Variants in FAM185A observed in about 807,000 individuals in gnomAD.
FAM185A encodes the protein protein FAM185A.
A neutral mutation model predicts 45.7 loss-of-function variants in FAM185A; 21 were observed. The observed-to-expected ratio is 0.46, with a 90% CI of 0.33 to 0.66. FAM185A has a LOEUF of 0.66. FAM185A is among the 30% of genes least tolerant of loss of function. FAM185A has a pLI of 0.03. For missense variants in FAM185A, 305 were observed against 485.4 expected (o/e 0.63, Z 3.49); for synonymous variants, 117 against 194.0 (o/e 0.60, Z 3.30).
intron 6 of FAM185A, among the ~76,000 whole-genome samples, chr7:102,778,883 ACT>A (rs1795236747): frequency 6.6e-6 from 1 of 152,202 alleles, no homozygotes; most frequent in African/African-American, 2.4e-5. Flanking sequence ...ATCCATTCCA[ACT>A]CTGCCACTGT....
the FAM185A span, among the ~76,000 whole-genome samples, chr7:102,830,990 A>C: frequency 6.6e-6 from 1 of 152,214 alleles, no homozygotes; most frequent in Non-Finnish European, 1.5e-5. Context: ...GGAAGGTCAG[A>C]GTACACGCAT....
intron 7 of FAM185A, among the ~76,000 whole-genome samples, chr7:102,801,193 A>C (rs1328003781): frequency 1.5e-4 from 23 of 152,204 alleles, no homozygotes; most frequent in Admixed American, 1.5e-3. Context: ...ATTCACCACT[A>C]CCAAGCCACC....
chr7:102,781,481 G>T (rs1455723886), intron 6 of FAM185A, among the ~76,000 whole-genome samples: 1 of 152,178 alleles, frequency 6.6e-6, no homozygotes, highest in Non-Finnish European at 1.5e-5. Flanking sequence ...TAATGATCAG[G>T]CAGCAACATC....
intron 7 of FAM185A, among the ~76,000 whole-genome samples, chr7:102,795,537 G>C (rs539625034): frequency 6.6e-6 from 1 of 152,254 alleles, no homozygotes; most frequent in African/African-American, 2.4e-5. Flanking sequence ...GAGTCTCCAG[G>C]CTCCAGTACG....
the FAM185A span, among the ~76,000 whole-genome samples, chr7:102,835,092 A>G: frequency 2.0e-5 from 3 of 152,226 alleles, no homozygotes; most frequent in African/African-American, 7.2e-5. Flanking sequence ...GATATTGGTT[A>G]TTTAACCCTA....
downstream of FAM185A, chr7:102,813,600 C>A: frequency 6.6e-7 from 1 of 1,515,980 alleles, no homozygotes. Flanking sequence ...TCAAACTCAA[C>A]CAAATTTGGA....
chr7:102,811,547 T>C (rs1443158680), downstream of FAM185A, among the ~76,000 whole-genome samples: 4 of 152,198 alleles, frequency 2.6e-5, no homozygotes, highest in African/African-American at 9.6e-5. Context: ...TCAAAGAGCT[T>C]TGGAGCAAGC....
chr7:102,803,414 G>T (rs1796911439), intron 7 of FAM185A, among the ~76,000 whole-genome samples: 1 of 152,100 alleles, frequency 6.6e-6, no homozygotes, highest in Admixed American at 6.5e-5. Flanking sequence ...CACATAAACA[G>T]AATTAAAAAC....
At chr7:102,831,080 T>C in the FAM185A span, among the ~76,000 whole-genome samples, 1 of 152,286 alleles carries the variant, frequency 6.6e-6, no homozygotes, top group South Asian at 2.1e-4. Flanking sequence ...TTTAGGTCTT[T>C]CATCTTGGGC....
chr7:102,783,896 C>A (rs1045687973), intron 6 of FAM185A, among the ~76,000 whole-genome samples: 2 of 152,120 alleles, frequency 1.3e-5, no homozygotes, highest in Admixed American at 6.5e-5. Flanking sequence ...AATGCAGGAG[C>A]TGGTTTTTTG....
At chr7:102,847,761 T>A in the FAM185A span, among the ~76,000 whole-genome samples, 1 of 152,138 alleles carries the variant, frequency 6.6e-6, no homozygotes, top group Non-Finnish European at 1.5e-5. Flanking sequence ...ACTCCTGGCC[T>A]CAGGTAACCC....
chr7:102,805,194 G>A (rs550059936), intron 7 of FAM185A, among the ~76,000 whole-genome samples: 34 of 152,178 alleles, frequency 2.2e-4, no homozygotes, highest in Non-Finnish European at 4.3e-4. Context: ...CTACCCAGAG[G>A]AAAAGAAGTC....
At chr7:102,810,684 C>G (rs897485370), downstream of FAM185A, among the ~76,000 whole-genome samples, 2 of 152,152 alleles carry the variant, frequency 1.3e-5, no homozygotes, top group East Asian at 3.8e-4. Context: ...GCCTTAAACT[C>G]CTGGCCTCAG....
At position 102,757,959 on chromosome 7, in the gene FAM185A, C is replaced by G; in HGVS notation, c.654+13C>G. On this transcript the variant is annotated intron_variant, in intron 3 of 7. Coordinates refer to ENST00000413034, the MANE Select transcript of FAM185A (RefSeq NM_001145268.2). The stretch of plus-strand genomic sequence containing the variant: ...ATCAGATAAAAGTGTAAGATTGAAA[C>G]TTTCTTTTTTTTTTTAGTAATTGCA... 6.7e-7 allele frequency: 1 copy of G among 1,488,324 alleles called. No homozygotes were observed. Among genetic ancestry groups the G allele is most frequent in the Non-Finnish European group, 8.9e-7 (1 of 1,117,926 alleles). 92.2% of individuals were successfully genotyped at this position (1,488,324 alleles called of 1,614,324 possible).
intron 7 of FAM185A, among the ~76,000 whole-genome samples, chr7:102,790,104 G>A (rs1368067478): frequency 6.6e-6 from 1 of 151,856 alleles, no homozygotes; most frequent in Non-Finnish European, 1.5e-5. Context: ...ATAAGCAGAA[G>A]ATATACACTC....
intron 7 of FAM185A, among the ~76,000 whole-genome samples, chr7:102,791,289 G>C (rs1354168409): frequency 6.6e-6 from 1 of 151,232 alleles, no homozygotes; most frequent in Non-Finnish European, 1.5e-5. Flanking sequence ...GTGGATGAAG[G>C]AGAAAAAAAC....
intron 6 of FAM185A, chr7:102,779,953 C>T (rs1011590844): frequency 6.7e-6 from 1 of 148,502 alleles, no homozygotes; most frequent in Non-Finnish European, 1.5e-5. Flanking sequence ...TCAAGCAATC[C>T]ACCTACCTTG....
the FAM185A span, among the ~76,000 whole-genome samples, chr7:102,814,928 C>G: frequency 1.3e-5 from 2 of 152,080 alleles, no homozygotes; most frequent in Admixed American, 6.5e-5. Context: ...ATATCTTTTG[C>G]TTTTCCCACA....
At chr7:102,821,108 T>C in the FAM185A span, among the ~76,000 whole-genome samples, 1 of 152,260 alleles carries the variant, frequency 6.6e-6, no homozygotes, top group African/African-American at 2.4e-5. Context: ...TTGCTGAAAG[T>C]TGTCTGTTAA....
Sources: allele counts gnomAD v4.1 joint callset (sites outside exome capture counted in the v4.1 genomes callset), GRCh38; gene constraint gnomAD v4.1.1; transcripts MANE v1.5; gene names NCBI Gene and HGNC (gene_info 2026-07-23, HGNC 2026-07-21).